CRTAC1: variants seen among roughly 807,000 people sequenced by gnomAD.
CRTAC1 encodes the protein cartilage acidic protein 1.
A neutral mutation model predicts 67.8 loss-of-function variants in CRTAC1; 37 were observed. That is an observed-to-expected ratio of 0.55 (90% CI 0.42 to 0.72). CRTAC1 has a LOEUF of 0.72. Ranked by LOEUF, CRTAC1 falls within the 30% of genes least tolerant of loss-of-function variation. The probability of loss-of-function intolerance (pLI) is 0.00; values close to 1 mark genes in which losing one functional copy is unlikely to be tolerated. For synonymous variants in CRTAC1, 348 were observed against 371.0 expected (o/e 0.94, Z 0.71); for missense variants, 780 against 931.6 (o/e 0.84, Z 2.12).
At chr10:97,969,494 A>C (rs1245993170) in intron 2 of CRTAC1, among the ~76,000 whole-genome samples, 6 of 152,106 alleles carry the variant, frequency 3.9e-5, no homozygotes, top group African/African-American at 1.4e-4. Context: ...TGTCAATATC[A>C]AAGGGCTGCC....
intron 2 of CRTAC1, among the ~76,000 whole-genome samples, chr10:97,950,343 G>A (rs2051335949): frequency 6.6e-6 from 1 of 151,492 alleles, no homozygotes; most frequent in South Asian, 2.1e-4. Context: ...GGAGCCCTAG[G>A]TCTTCCACCC....
intron 2 of CRTAC1, among the ~76,000 whole-genome samples, chr10:97,951,831 A>G (rs893908995): frequency 2.0e-5 from 3 of 152,330 alleles, no homozygotes; most frequent in Non-Finnish European, 2.9e-5. Context: ...CTTGCTACTC[A>G]AACTGTGGAG....
intron 1 of CRTAC1, among the ~76,000 whole-genome samples, chr10:98,019,176 G>T (rs1474955458): frequency 6.6e-6 from 1 of 152,142 alleles, no homozygotes; most frequent in East Asian, 1.9e-4. Flanking sequence ...GAGCAGGAAG[G>T]AAAGCAAAAC....
At chr10:97,906,840 G>A (rs1049617450) in intron 6 of CRTAC1, among the ~76,000 whole-genome samples, 5 of 152,196 alleles carry the variant, frequency 3.3e-5, no homozygotes, top group African/African-American at 1.2e-4. Context: ...GTAGGTACTC[G>A]TAAGTCCAAG....
At chr10:97,976,632 T>C (rs2051808501) in intron 2 of CRTAC1, among the ~76,000 whole-genome samples, 1 of 152,240 alleles carries the variant, frequency 6.6e-6, no homozygotes, top group Admixed American at 6.5e-5. Context: ...AAATTCTATC[T>C]ATTCATGAGC....
chr10:97,893,391 C>T (rs987631189), intron 11 of CRTAC1, among the ~76,000 whole-genome samples: 8 of 152,066 alleles, frequency 5.3e-5, no homozygotes, highest in South Asian at 2.1e-4. Flanking sequence ...TGATTTTGAA[C>T]CTAGGAATGT....
intron 1 of CRTAC1, among the ~76,000 whole-genome samples, chr10:98,020,795 G>A (rs1378171072): frequency 2.6e-5 from 4 of 152,370 alleles, no homozygotes; most frequent in East Asian, 1.9e-4. Flanking sequence ...GGGAAGGAGT[G>A]CAGCAAAGGA....
chr10:97,905,678 T>C (rs1212021747), intron 6 of CRTAC1, among the ~76,000 whole-genome samples: 1 of 152,234 alleles, frequency 6.6e-6, no homozygotes, highest in Non-Finnish European at 1.5e-5. Context: ...TGCCTGGTAG[T>C]TTTCAGTAAA....
intron 1 of CRTAC1, among the ~76,000 whole-genome samples, chr10:98,015,183 T>C (rs1842972517): frequency 6.6e-6 from 1 of 152,176 alleles, no homozygotes. Flanking sequence ...AGGAAAGAAA[T>C]TCGGACACAG....
rs937144005 is a variant in CRTAC1 at position 97,865,891 on chromosome 10, C to T, written c.1820-177G>A. The T allele has an allele frequency of 2.6e-5, 24 of 940,850 alleles. No homozygotes were observed. In the Admixed American group the frequency reaches 5.1e-4, roughly 20 times the overall value. 58.3% of individuals were successfully genotyped at this position (940,850 alleles called of 1,614,324 possible). ...ACCTATGCCCCCTGTCCCTCACCCCCGTCTGGATCAGTCCATTTCCTGACC... is the reference window on the plus strand; with the variant it reads ...ACCTATGCCCCCTGTCCCTCACCCCTGTCTGGATCAGTCCATTTCCTGACC... On this transcript the variant is annotated intron_variant, in intron 14 of 14. Transcript: ENST00000370597.
chr10:98,005,325 G>C (rs1384264188), intron 2 of CRTAC1, among the ~76,000 whole-genome samples: 1 of 150,108 alleles, frequency 6.7e-6, no homozygotes. Context: ...GGCTGGTCTC[G>C]AACTCCTGAC....
intron 2 of CRTAC1, among the ~76,000 whole-genome samples, chr10:97,968,218 TG>T (rs1354403659): frequency 3.0e-4 from 46 of 152,220 alleles, no homozygotes; most frequent in Admixed American, 2.0e-3. Flanking sequence ...CTTAAGGTCC[TG>T]GGTGTGCACA....
intron 5 of CRTAC1, among the ~76,000 whole-genome samples, chr10:97,914,159 G>A (rs947556910): frequency 3.3e-5 from 5 of 152,232 alleles, no homozygotes; most frequent in African/African-American, 1.2e-4. Context: ...GGAGAGCAGA[G>A]AGATGGACCC....
At chr10:97,977,279 T>C (rs1332938835) in intron 2 of CRTAC1, among the ~76,000 whole-genome samples, 1 of 152,168 alleles carries the variant, frequency 6.6e-6, no homozygotes, top group African/African-American at 2.4e-5. Context: ...TGACAGGAGC[T>C]GAATTGTGAT....
intron 4 of CRTAC1, among the ~76,000 whole-genome samples, chr10:97,922,583 G>A (rs2050856106): frequency 6.6e-6 from 1 of 152,230 alleles, no homozygotes; most frequent in African/African-American, 2.4e-5. Flanking sequence ...CTCTGGCGAG[G>A]CCTGCTGGGA....
rs142003269 is a variant in CRTAC1, at chr10:97,895,903, G to A, written c.1299C>T (p.Ser433=). The A allele has an allele frequency of 5.3e-5, 86 of 1,613,280 alleles. No homozygotes were observed. Among genetic ancestry groups the A allele is most frequent in the African/African-American group, 2.0e-4 (15 of 75,022 alleles). The change falls in exon 10 of 15, where the codon TCC becomes TCT. Residue 433 remains serine, a synonymous_variant. Coordinates refer to ENST00000370597, the MANE Select transcript of CRTAC1 (RefSeq NM_018058.7). This position sits in a 1 kb window ranked among gnomAD's most constrained non-coding sequence, Gnocchi z 4.2. ...AGCGCACCTGATTGCCCCGGAAGAC[G>A]GACAGCGGCTGAGCCATGGACTCTC... ...SHGESMAQPL[S]VFRGNQGFNN... is the part of the protein sequence containing the mutation.
At chr10:97,977,061 T>C (rs1323109549) in intron 2 of CRTAC1, among the ~76,000 whole-genome samples, 2 of 152,196 alleles carry the variant, frequency 1.3e-5, no homozygotes, top group Non-Finnish European at 2.9e-5. Flanking sequence ...GTGGAAGTAT[T>C]TGCTAAGCAT....
intron 4 of CRTAC1, among the ~76,000 whole-genome samples, chr10:97,919,768 AG>A (rs2050809382): frequency 3.0e-5 from 1 of 32,852 alleles, no homozygotes; most frequent in Admixed American, 3.9e-4. Flanking sequence ...TTTACAGTAC[AG>A]CCTTTTTTTT....
chr10:97,976,696 G>A (rs188022947), intron 2 of CRTAC1, among the ~76,000 whole-genome samples: 1 of 152,294 alleles, frequency 6.6e-6, no homozygotes, highest in Admixed American at 6.5e-5. Context: ...TCTTCAGTTA[G>A]AATTTATCCT....
Sources: gnomAD v4.1 joint callset for allele counts (sites outside exome capture counted in the v4.1 genomes callset) on GRCh38, gnomAD v4.1.1 for gene constraint, Gnocchi (gnomAD v3.1) non-coding constraint, MANE v1.5 for transcripts, NCBI Gene and HGNC (gene_info 2026-07-23, HGNC 2026-07-21) for gene names.